PAK4: variants seen among roughly 807,000 people sequenced by gnomAD.
PAK4 encodes serine/threonine-protein kinase PAK 4.
PAK4 carries 49 observed loss-of-function variants against 53.5 expected under a neutral mutation model. That is an observed-to-expected ratio of 0.92 (90% CI 0.73 to 1.16). The LOEUF (loss-of-function observed/expected upper bound fraction) is 1.16, where lower values mean the gene tolerates loss of function less well. PAK4 is among the 50% of genes most tolerant of loss of function. The pLI is 0.00. For missense variants in PAK4, 824 were observed against 850.7 expected (o/e 0.97, Z 0.39); for synonymous variants, 376 against 375.6 (o/e 1.00, Z -0.01).
intron 1 of PAK4, among the ~76,000 whole-genome samples, chr19:39,160,007 C>T (rs1469034546): frequency 2.0e-5 from 3 of 152,380 alleles, no homozygotes; most frequent in Non-Finnish European, 4.4e-5. Flanking sequence ...CTGCCACTTC[C>T]TGAGATTCCC....
At chr19:39,143,839 G>A (rs1482251418) in intron 1 of PAK4, among the ~76,000 whole-genome samples, 2 of 151,838 alleles carry the variant, frequency 1.3e-5, no homozygotes, top group African/African-American at 4.8e-5. Context: ...GGGCGTGGTG[G>A]CATGTGCCTG....
At position 39,173,528 on chromosome 19, in the gene PAK4, G is replaced by A; in HGVS notation, c.664-48G>A. On this transcript the variant is annotated intron_variant, in intron 3 of 8. Transcript: ENST00000358301. The surrounding 1 kb of genome is among the most constrained non-coding windows in gnomAD (Gnocchi z 6.9). ...GTCTCTCTCCTGCTTAGGGAGCAGA[G>A]CTGCTCCCTGGCACCCATCACTGAC... The A allele has an allele frequency of 7.0e-7, 1 of 1,424,952 alleles. No individual in the cohort carries two copies. Among genetic ancestry groups the A allele is most frequent in the Non-Finnish European group, 9.5e-7 (1 of 1,051,328 alleles). The allele number at this position is 1,424,952 out of a possible 1,614,324, so 88.3% of individuals were successfully genotyped here.
rs375137743 is a variant in PAK4 at position 39,173,680 on chromosome 19, C to T, written c.768C>T (p.Ala256=). The T allele has an allele frequency of 3.5e-5, 56 of 1,588,416 alleles. No individual in the cohort carries two copies. In the Admixed American group the frequency reaches 3.8e-4, roughly 11 times the overall value. ...GGCCTCCCACCCGAGCCCGAGGTGC[C>T]CCCAGCCCTGGAGTGCTGGGACCCC... The change falls in exon 4 of 9, where the codon GCC becomes GCT. Residue 256 remains alanine (A), a synonymous_variant. Coordinates refer to ENST00000358301, the Ensembl canonical transcript of PAK4. The surrounding 1 kb of genome is among the most constrained non-coding windows in gnomAD (Gnocchi z 6.9).
intron 1 of PAK4, among the ~76,000 whole-genome samples, chr19:39,147,928 A>G (rs1256700753): frequency 1.9e-5 from 2 of 105,024 alleles, no homozygotes; most frequent in East Asian, 2.6e-4. Context: ...CCAGGTTCTC[A>G]TATGAGATCT....
chr19:39,137,261 T>C lies in PAK4; in HGVS notation c.-23+11342T>C, dbSNP rs114733339. ...GTTGCCGCCCATTTGGAGCCTGGCC[T>C]CTGGAGCCATCTGGGGCACCCCTGC... On this transcript the variant is annotated intron_variant, in intron 1 of 8. Transcript: ENST00000358301. Among the ~76,000 whole-genome samples, 1,053 of 152,284 alleles carry C rather than the reference T, an allele frequency of 6.9e-3. 13 individuals carry two copies. The highest frequency in any genetic ancestry group is 0.023 in the African/African-American group (972 of 41,546).
rs534013468 is a variant in PAK4 at position 39,176,118 on chromosome 19, G to A, written c.1360-472G>A. On this transcript the variant is annotated intron_variant, in intron 6 of 8. Coordinates refer to ENST00000358301, the Ensembl canonical transcript of PAK4. ...AGACCCATAGAAATCCTCAAAAATC[G>A]GAAAGGGACCCACAGTTCCTAAGAA... is the stretch of plus-strand genomic sequence containing the variant. 5.9e-5 allele frequency among the ~76,000 whole-genome samples: 9 copies of A among 152,204 alleles called. No individual in the cohort carries two copies. The East Asian group carries it at 7.7e-4, about 13-fold the overall frequency.
chr19:39,156,914 C>G (rs1266593393), intron 1 of PAK4: 1 of 152,382 alleles, frequency 6.6e-6, no homozygotes, highest in Non-Finnish European at 1.5e-5. Context: ...GAAGGAGGGT[C>G]TGCCCCTGGC....
chr19:39,151,969 A>G (rs2074100096), intron 1 of PAK4, among the ~76,000 whole-genome samples: 1 of 152,142 alleles, frequency 6.6e-6, no homozygotes, highest in African/African-American at 2.4e-5. Flanking sequence ...AGGTTTCACC[A>G]TGTTGGCCAG....
At chr19:39,152,370 C>T (rs189949536) in intron 1 of PAK4, 2 of 152,264 alleles carry the variant, frequency 1.3e-5, no homozygotes, top group East Asian at 1.9e-4. Context: ...CCACTGTTGC[C>T]GTATCACAGT....
At chr19:39,137,758 C>G (rs1195639787) in intron 1 of PAK4, among the ~76,000 whole-genome samples, 1 of 151,820 alleles carries the variant, frequency 6.6e-6, no homozygotes. Flanking sequence ...CCTCCGCCTG[C>G]CGGGTTCAAG....
Position 39,176,716 on chromosome 19 carries a change from G to T in PAK4, c.1485+1G>T, listed in dbSNP as rs2074613090. 1 of 1,608,424 alleles carries T rather than the reference G, an allele frequency of 6.2e-7. No individual in the cohort carries two copies. Among genetic ancestry groups the T allele is most frequent in the Non-Finnish European group, 8.5e-7 (1 of 1,179,842 alleles). On this transcript the variant is annotated splice_donor_variant, in intron 7 of 8. Coordinates refer to ENST00000358301, the Ensembl canonical transcript of PAK4. LOFTEE classifies it high-confidence loss of function. ...CTCCCGCCTTCCCTACGGGCCAGAG[G>T]TGAGCCCCGGGGTGGCTTGGTTGTC...
chr19:39,127,576 A>G (rs1703707882), intron 1 of PAK4, among the ~76,000 whole-genome samples: 2 of 151,986 alleles, frequency 1.3e-5, no homozygotes, highest in Admixed American at 1.3e-4. Context: ...AGGATGTGAC[A>G]TTGCTGGGGG....
At chr19:39,176,764 C>T in intron 7 of PAK4, 49 bp downstream of exon 8, 1 of 1,588,040 alleles carries the variant, frequency 6.3e-7, no homozygotes, top group Non-Finnish European at 8.5e-7. Context: ...GCGTACGCTG[C>T]CATTTTCCAG....
At chr19:39,174,038 GCTGGT>G in intron 4 of PAK4, 28 bp downstream of exon 5, 3 of 1,460,314 alleles carry the variant, frequency 2.1e-6, no homozygotes, top group African/African-American at 1.4e-5. Flanking sequence ...CTGCCGCCCT[GCTGGT>G]CCTCCCACCC....
intron 2 of PAK4, among the ~76,000 whole-genome samples, chr19:39,170,158 A>G (rs765047409): frequency 3.3e-5 from 5 of 152,158 alleles, no homozygotes; most frequent in Non-Finnish European, 7.3e-5. Flanking sequence ...GACAGCCCCA[A>G]GTGGTCAGGG....
intron 1 of PAK4, among the ~76,000 whole-genome samples, chr19:39,133,919 A>C (rs888914707): frequency 2.0e-5 from 3 of 149,464 alleles, no homozygotes; most frequent in East Asian, 2.0e-4. Flanking sequence ...CACTGCGCCC[A>C]CAGTCACCGG....
rs1194462270 is a variant in PAK4 at position 39,173,540 on chromosome 19, C to T, written c.664-36C>T. ...CTTAGGGAGCAGAGCTGCTCCCTGG[C>T]ACCCATCACTGACAGCTACCTCTCT... is the stretch of plus-strand genomic sequence containing the variant. On this transcript the variant is annotated intron_variant, in intron 3 of 8. Transcript: ENST00000358301. This position sits in a 1 kb window ranked among gnomAD's most constrained non-coding sequence, Gnocchi z 6.9. 6.7e-7 allele frequency: 1 copy of T among 1,481,748 alleles called. No individual in the cohort carries two copies. Among genetic ancestry groups the T allele is most frequent in the Admixed American group, 2.3e-5 (1 of 44,178 alleles). 91.8% of individuals were successfully genotyped at this position (1,481,748 alleles called of 1,614,324 possible). A position where few individuals can be genotyped will look rare whatever the true frequency, so the allele number is the denominator to read the frequency against.
chr19:39,150,134 T>C (rs903524428), intron 1 of PAK4, among the ~76,000 whole-genome samples: 1 of 152,034 alleles, frequency 6.6e-6, no homozygotes, highest in Non-Finnish European at 1.5e-5. Flanking sequence ...ACCAGCTAGG[T>C]ATGTTGGTGT....
chr19:39,131,530 G>A (rs1439970277), intron 1 of PAK4, among the ~76,000 whole-genome samples: 2 of 152,140 alleles, frequency 1.3e-5, no homozygotes, highest in African/African-American at 2.4e-5. Context: ...GACCCTTCCC[G>A]CCTAGTCACC....
Sources: allele counts gnomAD v4.1 joint callset (sites outside exome capture counted in the v4.1 genomes callset), GRCh38; gene constraint gnomAD v4.1.1; non-coding constraint Gnocchi (gnomAD v3.1); transcripts MANE v1.5; gene names NCBI Gene and HGNC (gene_info 2026-07-23, HGNC 2026-07-21).